Variants in BSDC1 observed in about 807,000 individuals in gnomAD.
BSDC1 encodes BSD domain-containing protein 1.
BSDC1 carries 29 observed loss-of-function variants against 56.0 expected under a neutral mutation model. The ratio of observed to expected loss-of-function variants is 0.52; its 90% confidence interval spans 0.39 to 0.71. The LOEUF is 0.71. Among genes scored for constraint, BSDC1 ranks in the 30% least tolerant of loss-of-function variants. The pLI is 0.00. For synonymous variants in BSDC1, 210 were observed against 215.3 expected (o/e 0.98, Z 0.21); for missense variants, 477 against 548.5 (o/e 0.87, Z 1.30).
chr1:32,368,340 A>G (rs1641928448), intron 10 of BSDC1, 107 bp downstream of exon 10: 1 of 1,613,554 alleles, frequency 6.2e-7, no homozygotes, highest in African/African-American at 1.3e-5. Flanking sequence ...CTGTCACCTC[A>G]GACAGGAGCA....
intron 2 of BSDC1, 52 bp from the exon 3 acceptor site, chr1:32,386,947 G>T: frequency 7.1e-7 from 1 of 1,411,608 alleles, no homozygotes; most frequent in Non-Finnish European, 1.0e-6. Context: ...ACCACCCCTT[G>T]TTCCTGTTCC....
chr1:32,364,896 C>T lies in BSDC1; in HGVS notation c.*1726G>A, dbSNP rs1442657370. Among the ~76,000 whole-genome samples the T allele has an allele frequency of 6.6e-6, 1 of 152,228 alleles. No individual in the cohort carries two copies. The highest frequency in any genetic ancestry group is 1.5e-5 in the Non-Finnish European group (1 of 68,046). On this transcript the variant is annotated 3_prime_UTR_variant, in exon 11 of 11. Coordinates refer to ENST00000455895, the MANE Select transcript of BSDC1 (RefSeq NM_018045.8). ...AGAGGCACTGGGAGTGCAGAGATGG[C>T]CTCCCGACTCCTTGTCCCAGTGAGA...
chr1:32,388,190 C>T (rs80308209), intron 2 of BSDC1, among the ~76,000 whole-genome samples: 1,903 of 152,124 alleles, frequency 0.013, 36 homozygotes, highest in African/African-American at 0.043. Context: ...TGTTTTTGAG[C>T]GCTCCTGTGG....
intron 2 of BSDC1, among the ~76,000 whole-genome samples, chr1:32,390,281 G>A (rs956382114): frequency 6.6e-6 from 1 of 152,172 alleles, no homozygotes; most frequent in Non-Finnish European, 1.5e-5. Context: ...CCAGTCAGGA[G>A]GCTGCTGCAA....
chr1:32,382,887 A>AG (rs1240595962), intron 4 of BSDC1, among the ~76,000 whole-genome samples: 14 of 149,424 alleles, frequency 9.4e-5, no homozygotes, highest in Non-Finnish European at 1.0e-4. Context: ...AAAAAAAAAA[A>AG]AAGAAGAAGA....
chr1:32,368,435 A>C lies in BSDC1; in HGVS notation c.1260+12T>G. 6.2e-7 allele frequency: 1 copy of C among 1,614,146 alleles called. No homozygotes were observed. Among genetic ancestry groups the C allele is most frequent in the Non-Finnish European group, 8.5e-7 (1 of 1,180,028 alleles). ...TAGGCTCGCTTCCCTCTGACCCACC[A>C]GGCCCACTCACCTCCCCGGAGGCAT... On this transcript the variant is annotated intron_variant, in intron 10 of 10. Transcript: ENST00000455895.
Position 32,366,492 on chromosome 1 carries a change from G to C in BSDC1, c.*130C>G, listed in dbSNP as rs988800599. Reference sequence around the variant, plus strand: ...CAAGAGGGCCAGCAGGGAGCCACCAGAATCTGTGCCCAGAGCTCTGGTTGG... The same window carrying C: ...CAAGAGGGCCAGCAGGGAGCCACCACAATCTGTGCCCAGAGCTCTGGTTGG... On this transcript the variant is annotated 3_prime_UTR_variant, in exon 11 of 11. Transcript: ENST00000455895. 5 of 932,380 alleles carry C rather than the reference G, an allele frequency of 5.4e-6. No individual in the cohort carries two copies. Among genetic ancestry groups the C allele is most frequent in the South Asian group, 2.8e-5 (2 of 71,600 alleles). The allele number at this position is 932,380 out of a possible 1,614,324, so 57.8% of individuals were successfully genotyped here. A position where few individuals can be genotyped will look rare whatever the true frequency, so the allele number is the denominator to read the frequency against.
In BSDC1 at chr1:32,366,198, CTGCT is replaced by C. The variant is rs201769400; in HGVS notation, c.*420_*423del. 5.3e-3 allele frequency: 1,318 copies of C among 248,484 alleles called. 68 individuals carry two copies. In the Admixed American group the frequency reaches 0.064, roughly 12 times the overall value. The allele number at this position is 248,484 out of a possible 1,614,324, so 15.4% of individuals were successfully genotyped here. ...GGGTAGGTGGCATGGCCCTCCCTGCCTGCTTATGTATGGACAGAGTATGTTGTCT... is the reference window on the plus strand; with the variant it reads ...GGGTAGGTGGCATGGCCCTCCCTGCCTATGTATGGACAGAGTATGTTGTCT... On this transcript the variant is annotated 3_prime_UTR_variant, in exon 11 of 11. Transcript: ENST00000455895.
intron 1 of BSDC1, 69 bp from the exon 2 acceptor site, chr1:32,394,209 C>G: frequency 3.8e-6 from 6 of 1,579,030 alleles, no homozygotes; most frequent in Non-Finnish European, 5.2e-6. Flanking sequence ...CCGGTTTGTT[C>G]CCCGCTCAGA....
At chr1:32,375,185 T>C (rs1642235209) in intron 9 of BSDC1, among the ~76,000 whole-genome samples, 2 of 151,066 alleles carry the variant, frequency 1.3e-5, no homozygotes, top group East Asian at 1.9e-4. Context: ...AGGAGCCCAA[T>C]GGATGACCTC....
At chr1:32,372,675 G>A (rs1001607888) in intron 9 of BSDC1, among the ~76,000 whole-genome samples, 12 of 152,356 alleles carry the variant, frequency 7.9e-5, no homozygotes, top group African/African-American at 2.9e-4. Context: ...ATGTGGCAGA[G>A]AGGTGGCCTA....
chr1:32,389,817 C>T (rs1642804361), intron 2 of BSDC1, among the ~76,000 whole-genome samples: 2 of 150,478 alleles, frequency 1.3e-5, no homozygotes, highest in Non-Finnish European at 3.0e-5. Context: ...CACACAAATA[C>T]AAAAAATTAG....
intron 2 of BSDC1, among the ~76,000 whole-genome samples, chr1:32,391,812 A>G (rs971269799): frequency 5.3e-5 from 8 of 152,044 alleles, no homozygotes; most frequent in Non-Finnish European, 1.0e-4. Context: ...AAAGACCAAG[A>G]AAAAAAATGG....
chr1:32,377,541 G>A (rs551299460), intron 8 of BSDC1, among the ~76,000 whole-genome samples: 2 of 152,258 alleles, frequency 1.3e-5, no homozygotes, highest in South Asian at 4.1e-4. Context: ...GTTCTAAGCT[G>A]AGCTACAGGT....
chr1:32,392,086 C>T (rs1363051255), intron 2 of BSDC1, among the ~76,000 whole-genome samples: 1 of 152,116 alleles, frequency 6.6e-6, no homozygotes, highest in African/African-American at 2.4e-5. Context: ...AATCCTAGCA[C>T]TTTGGGAGGC....
chr1:32,367,922 C>CT (rs905609558), intron 10 of BSDC1: 10 of 1,023,796 alleles, frequency 9.8e-6, no homozygotes, highest in Non-Finnish European at 1.2e-5. Context: ...TGCCCTTGCC[C>CT]TTGATCACAC....
rs1316589762 is a variant in BSDC1, at chr1:32,386,778, C to T, written c.189+1G>A. ...CTTGGGAGGGTTTGGGTGGTACTCA[C>T]AGCCAGCTTCTCCTTGACCACGCTG... On this transcript the variant is annotated splice_donor_variant, in intron 3 of 10. Transcript: ENST00000455895. LOFTEE classifies it high-confidence loss of function. The T allele has an allele frequency of 1.2e-6, 2 of 1,612,706 alleles. No homozygotes were observed. Among genetic ancestry groups the T allele is most frequent in the East Asian group, 2.2e-5 (1 of 44,854 alleles).
chr1:32,381,254 G>A lies in BSDC1; in HGVS notation c.372C>T (p.Ser124=). The change falls in exon 5 of 11, where the codon AGC becomes AGT. Residue 124 remains serine (S), a synonymous_variant. Transcript: ENST00000455895. The stretch of plus-strand genomic sequence containing the variant: ...AGTAGGTTGCTGGGTCCGACTGCAG[G>A]CTATAGAGGCGAGCCTGTAAGAAAA... ...PYDGTKARLY[S]LQSDPATYCN... The A allele has an allele frequency of 1.2e-6, 2 of 1,613,498 alleles. No homozygotes were observed. Among genetic ancestry groups the A allele is most frequent in the African/African-American group, 2.7e-5 (2 of 75,004 alleles).
chr1:32,382,618 T>C (rs1262033522), intron 4 of BSDC1, among the ~76,000 whole-genome samples: 3 of 150,296 alleles, frequency 2.0e-5, no homozygotes, highest in Admixed American at 6.6e-5. Context: ...CTCAGTACTT[T>C]AGGGGGCTGA....
Sources: gnomAD v4.1 joint callset for allele counts (sites outside exome capture counted in the v4.1 genomes callset) on GRCh38, gnomAD v4.1.1 for gene constraint, MANE v1.5 for transcripts, NCBI Gene and HGNC (gene_info 2026-07-23, HGNC 2026-07-21) for gene names.